Variants in EIF4ENIF1 observed in about 807,000 individuals in gnomAD.
EIF4ENIF1 encodes the protein eukaryotic translation initiation factor 4E nuclear import factor 1, also known as eukaryotic translation initiation factor 4E transporter.
A neutral mutation model predicts 110.5 loss-of-function variants in EIF4ENIF1; 23 were observed. That is an observed-to-expected ratio of 0.21 (90% CI 0.15 to 0.29). The LOEUF is 0.29. Among genes scored for constraint, EIF4ENIF1 ranks in the 10% least tolerant of loss-of-function variants. The pLI, the probability that EIF4ENIF1 is intolerant of heterozygous loss-of-function variation, is 1.00. For missense variants in EIF4ENIF1, 1,031 were observed against 1,221.1 expected (o/e 0.84, Z 2.32); for synonymous variants, 440 against 437.0 (o/e 1.01, Z -0.09).
intron 2 of EIF4ENIF1, among the ~76,000 whole-genome samples, chr22:31,487,719 G>A (rs1182769798): frequency 6.6e-6 from 1 of 151,354 alleles, no homozygotes; most frequent in Non-Finnish European, 1.5e-5. Context: ...GAGCCCGGGA[G>A]GTCCAGGCTG....
At chr22:31,450,136 C>T (rs2050600258) in intron 11 of EIF4ENIF1, among the ~76,000 whole-genome samples, 153 bp downstream of exon 11, 1 of 152,142 alleles carries the variant, frequency 6.6e-6, no homozygotes, top group Non-Finnish European at 1.5e-5. Context: ...AGATTAAAAG[C>T]AACACCAAAC....
chr22:31,455,073 T>C (rs1283545785), intron 9 of EIF4ENIF1, 63 bp downstream of exon 9: 8 of 1,414,656 alleles, frequency 5.7e-6, no homozygotes, highest in Admixed American at 2.4e-5. Flanking sequence ...TAGACCCAAC[T>C]GCCTGAAGAC....
At chr22:31,450,793 CATATACAT>C (rs1280939948) in intron 10 of EIF4ENIF1, 10 of 216,808 alleles carry the variant, frequency 4.6e-5, no homozygotes, top group South Asian at 1.4e-4. Flanking sequence ...CACATATACA[CATATACAT>C]ACACATACAT....
At chr22:31,459,548 T>A (rs956827086) in intron 6 of EIF4ENIF1, among the ~76,000 whole-genome samples, 1 of 152,148 alleles carries the variant, frequency 6.6e-6, no homozygotes, top group Non-Finnish European at 1.5e-5. Context: ...ATAATCCTTA[T>A]GTCATCTCTG....
Position 31,439,697 on chromosome 22 carries a change from A to G in EIF4ENIF1, c.*183T>C. On this transcript the variant is annotated 3_prime_UTR_variant, in exon 19 of 19. Transcript: ENST00000330125. The stretch of plus-strand genomic sequence containing the variant: ...TGCATCCTGTATTCAGACAATGTAC[A>G]CTCCACTCGACTGGTTAAGATCCTT... 3.9e-6 allele frequency: 3 copies of G among 761,744 alleles called. No homozygotes were observed. The highest frequency in any genetic ancestry group is 2.0e-6 in the Non-Finnish European group (1 of 490,384). 47.2% of individuals were successfully genotyped at this position (761,744 alleles called of 1,614,324 possible).
upstream of EIF4ENIF1, among the ~76,000 whole-genome samples, chr22:31,492,108 C>G (rs563801469): frequency 1.6e-4 from 24 of 152,250 alleles, no homozygotes; most frequent in Middle Eastern, 3.4e-3. Flanking sequence ...AGAGCTGTCC[C>G]TGGAACACTT....
chr22:31,470,685 C>CTTTT (rs1174357066), intron 3 of EIF4ENIF1, among the ~76,000 whole-genome samples: 2 of 122,080 alleles, frequency 1.6e-5, no homozygotes, highest in African/African-American at 3.1e-5. Flanking sequence ...TTAAATAGGA[C>CTTTT]TTTTTTTTTT....
intron 18 of EIF4ENIF1, among the ~76,000 whole-genome samples, chr22:31,440,346 C>T (rs543610501): frequency 1.3e-5 from 2 of 152,266 alleles, no homozygotes; most frequent in Non-Finnish European, 2.9e-5. Context: ...ATGACATGAC[C>T]GCTACTTCTC....
chr22:31,457,641 T>A (rs566319891), intron 7 of EIF4ENIF1, among the ~76,000 whole-genome samples: 22 of 152,362 alleles, frequency 1.4e-4, no homozygotes, highest in African/African-American at 5.3e-4. Flanking sequence ...TTTGTTCTTA[T>A]CTGGAAGAAT....
chr22:31,449,560 A>T (rs1250949943), intron 11 of EIF4ENIF1, 29 bp from the exon 12 acceptor site: 2 of 1,598,240 alleles, frequency 1.3e-6, no homozygotes. Context: ...AATCCCTGTG[A>T]ACTTAGTTAT....
At position 31,442,882 on chromosome 22, in the gene EIF4ENIF1, A is replaced by C. The variant is rs1026619404; in HGVS notation, c.2206+80T>G. On this transcript the variant is annotated intron_variant, in intron 16 of 18. Coordinates refer to ENST00000330125, the MANE Select transcript of EIF4ENIF1 (RefSeq NM_019843.4). ...TCTTGCCCAGGGCTTTGTATAGAAT[A>C]TCAGGCTGGTCAGCGCTCAGGCCCA... 1.1e-5 allele frequency: 17 copies of C among 1,558,610 alleles called. No individual in the cohort carries two copies. The African/African-American group carries it at 2.3e-4, about 21-fold the overall frequency.
chr22:31,474,385 A>G (rs755674785), intron 2 of EIF4ENIF1, among the ~76,000 whole-genome samples: 2 of 151,938 alleles, frequency 1.3e-5, no homozygotes, highest in African/African-American at 2.4e-5. Context: ...CTGTTGGTCT[A>G]TAACTCATTA....
chr22:31,449,323 T>C (rs2050576720), intron 12 of EIF4ENIF1, 25 bp downstream of exon 12: 1 of 1,609,212 alleles, frequency 6.2e-7, no homozygotes, highest in African/African-American at 1.3e-5. Context: ...AATTCATATT[T>C]CTTTTGACAA....
intron 4 of EIF4ENIF1, among the ~76,000 whole-genome samples, chr22:31,464,713 TA>T (rs1569088832): frequency 1.6e-4 from 14 of 85,362 alleles, no homozygotes; most frequent in Non-Finnish European, 2.4e-4. Flanking sequence ...TATATATATA[TA>T]TATATATATA....
intron 1 of EIF4ENIF1, chr22:31,489,179 C>G (rs905901024): frequency 1.9e-5 from 3 of 156,184 alleles, no homozygotes; most frequent in African/African-American, 7.2e-5. Flanking sequence ...CCTTGTTATC[C>G]GGCGATCAGG....
At chr22:31,453,238 T>C (rs1265437233) in intron 10 of EIF4ENIF1, 1 of 253,962 alleles carries the variant, frequency 3.9e-6, no homozygotes, top group Non-Finnish European at 8.2e-6. Flanking sequence ...TTATAAACAT[T>C]TGCATTTACA....
intron 15 of EIF4ENIF1, among the ~76,000 whole-genome samples, chr22:31,444,226 C>T (rs187843037): frequency 1.3e-5 from 2 of 152,264 alleles, no homozygotes; most frequent in Admixed American, 1.3e-4. Flanking sequence ...AATTTGTGAA[C>T]TCCCCTGCAA....
Position 31,468,185 on chromosome 22 carries a change from G to C in EIF4ENIF1, c.288C>G (p.Arg96=), listed in dbSNP as rs745525808. The stretch of plus-strand genomic sequence containing the variant: ...TGACTGTGTGCTCACCTACTATCCT[G>C]CGCACCAGGGAAGGCCGGTCTGTAT... ...ELDTDRPSLV[R]RIVDPRERVK... The change falls in exon 4 of 19, where the codon CGC becomes CGG. Residue 96 remains arginine, a synonymous_variant. Coordinates refer to ENST00000330125, the MANE Select transcript of EIF4ENIF1 (RefSeq NM_019843.4). 6.2e-7 allele frequency: 1 copy of C among 1,613,968 alleles called. No homozygotes were observed. The highest frequency in any genetic ancestry group is 8.5e-7 in the Non-Finnish European group (1 of 1,179,950).
chr22:31,447,310 A>G (rs1264637818), intron 14 of EIF4ENIF1, 116 bp downstream of exon 14: 2 of 1,245,626 alleles, frequency 1.6e-6, no homozygotes, highest in Non-Finnish European at 2.2e-6. Context: ...TGGAATTTCT[A>G]CCACATACTG....
Sources: gnomAD v4.1 joint callset for allele counts (sites outside exome capture counted in the v4.1 genomes callset) on GRCh38, gnomAD v4.1.1 for gene constraint, MANE v1.5 for transcripts, NCBI Gene and HGNC (gene_info 2026-07-23, HGNC 2026-07-21) for gene names.